CHRM5: variants seen among roughly 807,000 people sequenced by gnomAD.
CHRM5 encodes muscarinic acetylcholine receptor M5.
In CHRM5, 18 loss-of-function variants were observed where a neutral mutation model predicts 39.0. That is an observed-to-expected ratio of 0.46 (90% CI 0.32 to 0.68). The LOEUF (loss-of-function observed/expected upper bound fraction) is 0.68. Ranked by LOEUF, CHRM5 falls within the 30% of genes least tolerant of loss-of-function variation. CHRM5 has a pLI of 0.04. For missense variants in CHRM5, 515 were observed against 651.1 expected (o/e 0.79, Z 2.28); for synonymous variants, 241 against 246.3 (o/e 0.98, Z 0.20).
intron 2 of CHRM5, among the ~76,000 whole-genome samples, chr15:34,054,419 G>T (rs1900052414): frequency 6.6e-6 from 1 of 152,108 alleles, no homozygotes; most frequent in Non-Finnish European, 1.5e-5. Flanking sequence ...CAAAGACATA[G>T]AATCAATCTA....
In CHRM5 at chr15:34,001,218, C is replaced by T. The variant is rs189470095; in HGVS notation, c.-408+32068C>T. On this transcript the variant is annotated intron_variant, in intron 1 of 2. Transcript: ENST00000383263. The stretch of plus-strand genomic sequence containing the variant: ...TGTGTTTTTAGTAGAAACGGGGTTT[C>T]ACTATGTTGGCCAGGATGGTCTCGA... Among the ~76,000 whole-genome samples the T allele has an allele frequency of 1.4e-3, 216 of 151,998 alleles. 2 individuals carry two copies. Among genetic ancestry groups the T allele is most frequent in the African/African-American group, 5.0e-3 (206 of 41,434 alleles).
At chr15:34,037,444 T>C (rs1899197566) in intron 1 of CHRM5, among the ~76,000 whole-genome samples, 1 of 151,180 alleles carries the variant, frequency 6.6e-6, no homozygotes, top group South Asian at 2.1e-4. Flanking sequence ...AGTTAACCTG[T>C]AAAAATAAAG....
intron 1 of CHRM5, among the ~76,000 whole-genome samples, chr15:34,026,788 G>A (rs952419759): frequency 1.3e-5 from 2 of 152,024 alleles, no homozygotes; most frequent in Admixed American, 6.6e-5. Context: ...AAAGTAAGTC[G>A]CTCACATTAA....
intron 1 of CHRM5, chr15:34,039,217 G>T: frequency 2.1e-6 from 1 of 477,590 alleles, no homozygotes; most frequent in Non-Finnish European, 2.8e-6. Flanking sequence ...AGCGGGGCGG[G>T]GCGGGGCGGC....
chr15:34,031,753 G>C (rs894255796), intron 1 of CHRM5, among the ~76,000 whole-genome samples: 1 of 152,074 alleles, frequency 6.6e-6, no homozygotes, highest in African/African-American at 2.4e-5. Context: ...GCAATTTAAG[G>C]CTTACAAAAT....
rs569859427 is a variant in CHRM5 at position 34,031,197 on chromosome 15, T to C, written c.-407-15343T>C. Among the ~76,000 whole-genome samples the C allele has an allele frequency of 1.8e-4, 14 of 76,762 alleles. No homozygotes were observed. In the South Asian group the frequency reaches 4.1e-3, roughly 23 times the overall value. The allele number at this position is 76,762 out of a possible 152,430, so 50.4% of individuals were successfully genotyped here. ...TTTTTTTTTTTTTTTTTTTTGAGAC[T>C]GAGTTTTGCTCTTGTTGCCCAGGCT... is the stretch of plus-strand genomic sequence containing the variant. On this transcript the variant is annotated intron_variant, in intron 1 of 2. Coordinates refer to ENST00000383263, the MANE Select transcript of CHRM5 (RefSeq NM_012125.4).
chr15:34,056,123 C>T (rs1050351318), intron 2 of CHRM5, among the ~76,000 whole-genome samples: 1 of 152,168 alleles, frequency 6.6e-6, no homozygotes. Flanking sequence ...TAAGTAACTG[C>T]CGTTTCCCTA....
At chr15:34,008,788 G>A (rs8024385) in intron 1 of CHRM5, among the ~76,000 whole-genome samples, 95,503 of 151,976 alleles carry the variant, frequency 0.63, 35,123 homozygotes, top group Non-Finnish European at 0.82. Flanking sequence ...GTGCCTAGCC[G>A]ATGAAAAACC....
rs1431077923 is a variant in CHRM5, at chr15:34,065,337, AT to A, written c.*1024del. On this transcript the variant is annotated 3_prime_UTR_variant, in exon 3 of 3. Transcript: ENST00000383263. ...AACCTGAGCAAAATGTGGAAAACAGATTTGCTTTTGAATTTCTTCCAGAGCC... is the reference window on the plus strand; with the variant it reads ...AACCTGAGCAAAATGTGGAAAACAGATTGCTTTTGAATTTCTTCCAGAGCC... The A allele has an allele frequency of 6.6e-6, 1 of 152,178 alleles. No individual in the cohort carries two copies. The highest frequency in any genetic ancestry group is 1.5e-5 in the Non-Finnish European group (1 of 68,034). The allele number at this position is 152,178 out of a possible 1,614,324, so 9.4% of individuals were successfully genotyped here.
chr15:34,014,899 A>G (rs1480002943), intron 1 of CHRM5, among the ~76,000 whole-genome samples: 2 of 152,234 alleles, frequency 1.3e-5, no homozygotes, highest in Admixed American at 6.5e-5. Flanking sequence ...CAAATTGAGC[A>G]GAAGAGGAAT....
chr15:34,020,310 C>CA (rs5811813), intron 1 of CHRM5, among the ~76,000 whole-genome samples: 45 of 147,524 alleles, frequency 3.1e-4, no homozygotes, highest in Admixed American at 2.1e-3. Flanking sequence ...GACTCCATCT[C>CA]AAAAAAAAAA....
chr15:33,999,947 C>T (rs554461931), intron 1 of CHRM5, among the ~76,000 whole-genome samples: 1 of 152,200 alleles, frequency 6.6e-6, no homozygotes, highest in Admixed American at 6.5e-5. Context: ...CAATACTACG[C>T]GATCTGGCTG....
At chr15:34,021,116 G>T (rs1898180948) in intron 1 of CHRM5, among the ~76,000 whole-genome samples, 1 of 152,178 alleles carries the variant, frequency 6.6e-6, no homozygotes, top group African/African-American at 2.4e-5. Flanking sequence ...CCCCGATGAA[G>T]AGTCTATAAA....
intron 1 of CHRM5, among the ~76,000 whole-genome samples, chr15:33,982,397 T>TG (rs1432117273): frequency 6.6e-6 from 1 of 152,080 alleles, no homozygotes; most frequent in Non-Finnish European, 1.5e-5. Flanking sequence ...TGCTATGCTC[T>TG]GCCAAAAATA....
At position 33,980,371 on chromosome 15, in the gene CHRM5, A is replaced by G. The variant is rs1461132581; in HGVS notation, c.-408+11221A>G. ...AGACCTCAGTGCAACAGCCTGCTCT[A>G]ACGTGATTCCACCTTACCTGTTGCA... On this transcript the variant is annotated intron_variant, in intron 1 of 2. Transcript: ENST00000383263. 2.0e-5 allele frequency among the ~76,000 whole-genome samples: 3 copies of G among 152,330 alleles called. 1 individual carries two copies. The South Asian group carries it at 6.2e-4, about 32-fold the overall frequency.
chr15:33,973,263 G>T (rs570029950), intron 1 of CHRM5, among the ~76,000 whole-genome samples: 1 of 152,146 alleles, frequency 6.6e-6, no homozygotes, highest in Non-Finnish European at 1.5e-5. Flanking sequence ...AGCCAGAGAT[G>T]ATTTCCAGTT....
At chr15:34,027,570 G>T (rs1312659780) in intron 1 of CHRM5, among the ~76,000 whole-genome samples, 1 of 150,984 alleles carries the variant, frequency 6.6e-6, no homozygotes. Flanking sequence ...TCACAACTAT[G>T]GTAACTGTGA....
At chr15:34,051,507 G>A (rs943400368) in intron 2 of CHRM5, among the ~76,000 whole-genome samples, 1 of 152,148 alleles carries the variant, frequency 6.6e-6, no homozygotes, top group African/African-American at 2.4e-5. Context: ...TGAACTGAAG[G>A]AGATAGAGAC....
intron 1 of CHRM5, among the ~76,000 whole-genome samples, chr15:33,969,648 A>G (rs924214726): frequency 6.6e-6 from 1 of 152,238 alleles, no homozygotes; most frequent in Non-Finnish European, 1.5e-5. Flanking sequence ...CATTCATACT[A>G]AAGAAAAATA....
Sources: gnomAD v4.1 joint callset for allele counts (sites outside exome capture counted in the v4.1 genomes callset) on GRCh38, gnomAD v4.1.1 for gene constraint, MANE v1.5 for transcripts, NCBI Gene and HGNC (gene_info 2026-07-23, HGNC 2026-07-21) for gene names.